Variants in ZNF90 observed in about 807,000 individuals in gnomAD.
ZNF90 encodes zinc finger protein 90, also known as zinc finger protein HTF9.
ZNF90 carries 11 observed loss-of-function variants against 12.0 expected under a neutral mutation model. That is an observed-to-expected ratio of 0.92 (90% CI 0.58 to 1.52). The LOEUF (loss-of-function observed/expected upper bound fraction) is 1.52. Ranked by LOEUF, ZNF90 falls within the 40% of genes most tolerant of loss-of-function variation. The probability of loss-of-function intolerance (pLI) is 0.00; values close to 1 mark genes in which losing one functional copy is unlikely to be tolerated. For missense variants in ZNF90, 765 were observed against 711.5 expected (o/e 1.08, Z -0.86); for synonymous variants, 232 against 240.1 (o/e 0.97, Z 0.31).
chr19:20,098,800 GT>G (rs2088967596), intron 1 of ZNF90, among the ~76,000 whole-genome samples: 1 of 152,198 alleles, frequency 6.6e-6, no homozygotes, highest in African/African-American at 2.4e-5. Flanking sequence ...CTGTCTCAGT[GT>G]AAGAGAAACG....
chr19:20,078,105 C>T lies in ZNF90; in HGVS notation c.-28C>T. The stretch of plus-strand genomic sequence containing the variant: ...TGACCTGCAGGTATTGGGAGATCCA[C>T]AGCTGAGGGACCCCCGGAAGCCTAG... On this transcript the variant is annotated 5_prime_UTR_variant, in exon 1 of 4. Coordinates refer to ENST00000418063, the MANE Select transcript of ZNF90 (RefSeq NM_007138.2). The T allele has an allele frequency of 1.2e-6, 2 of 1,614,122 alleles. No homozygotes were observed. The highest frequency in any genetic ancestry group is 2.2e-5 in the South Asian group (2 of 91,064).
At chr19:20,097,649 CTG>C (rs2088959363) in intron 1 of ZNF90, among the ~76,000 whole-genome samples, 5 of 152,190 alleles carry the variant, frequency 3.3e-5, no homozygotes, top group African/African-American at 1.2e-4. Flanking sequence ...TATAAACATG[CTG>C]CCACTCCATC....
In ZNF90 at chr19:20,120,188, T is replaced by C. The variant is rs2089183548; in HGVS notation, c.*828T>C. On this transcript the variant is annotated 3_prime_UTR_variant, in exon 4 of 4. Transcript: ENST00000418063. ...GGAAAGCTAGTATCCTTGAGAAAAA[T>C]TGCACAATTATAAAAAATATGGAAA... 1.3e-5 allele frequency among the ~76,000 whole-genome samples: 2 copies of C among 152,086 alleles called. No homozygotes were observed. Among genetic ancestry groups the C allele is most frequent in the African/African-American group, 4.8e-5 (2 of 41,406 alleles).
At chr19:20,088,877 A>G (rs1223225712) in intron 1 of ZNF90, among the ~76,000 whole-genome samples, 1 of 152,182 alleles carries the variant, frequency 6.6e-6, no homozygotes, top group Non-Finnish European at 1.5e-5. Flanking sequence ...CATCAAGGGA[A>G]TTAGTGGAAG....
intron 1 of ZNF90, among the ~76,000 whole-genome samples, chr19:20,086,301 T>C (rs1654301): frequency 0.93 from 137,519 of 147,542 alleles, 64,247 homozygotes; most frequent in East Asian, 1. Flanking sequence ...GTGGCGTAAT[T>C]TCAGCTCACT....
At chr19:20,099,378 C>T (rs2088972454) in intron 1 of ZNF90, among the ~76,000 whole-genome samples, 1 of 152,158 alleles carries the variant, frequency 6.6e-6, no homozygotes, top group Non-Finnish European at 1.5e-5. Context: ...AACTCTGCTT[C>T]CAGAAGAGTC....
At chr19:20,110,359 ACC>A in intron 3 of ZNF90, among the ~76,000 whole-genome samples, 4 of 151,924 alleles carry the variant, frequency 2.6e-5, no homozygotes, top group Non-Finnish European at 5.9e-5. Flanking sequence ...GCTCACTGCA[ACC>A]CCTGCCTCCT....
chr19:20,086,232 C>CTTTTTTTTT (rs59433953), intron 1 of ZNF90, among the ~76,000 whole-genome samples: 5 of 99,794 alleles, frequency 5.0e-5, no homozygotes, highest in Non-Finnish European at 7.9e-5. Flanking sequence ...ATTTTCTTTT[C>CTTTTTTTTT]TTTTTTTTTT....
At chr19:20,099,370 C>G (rs577420480) in intron 1 of ZNF90, among the ~76,000 whole-genome samples, 1 of 152,184 alleles carries the variant, frequency 6.6e-6, no homozygotes, top group African/African-American at 2.4e-5. Flanking sequence ...ATTCTCCTAA[C>G]TCTGCTTCCA....
At chr19:20,097,143 G>A (rs2088954886) in intron 1 of ZNF90, among the ~76,000 whole-genome samples, 1 of 152,164 alleles carries the variant, frequency 6.6e-6, no homozygotes, top group South Asian at 2.1e-4. Context: ...TATGATGCAT[G>A]TCACACTTAA....
chr19:20,088,084 C>T (rs932211996), intron 1 of ZNF90, among the ~76,000 whole-genome samples: 22 of 152,244 alleles, frequency 1.4e-4, no homozygotes, highest in Non-Finnish European at 2.2e-4. Context: ...TGGGCATATA[C>T]GTGCAGGTCA....
chr19:20,115,722 T>C (rs1278988055), intron 3 of ZNF90, among the ~76,000 whole-genome samples: 1 of 152,150 alleles, frequency 6.6e-6, no homozygotes, highest in African/African-American at 2.4e-5. Context: ...ACATCATTTT[T>C]CTTTTGATAA....
intron 1 of ZNF90, among the ~76,000 whole-genome samples, chr19:20,085,991 G>C (rs2088856260): frequency 6.6e-6 from 1 of 152,056 alleles, no homozygotes; most frequent in East Asian, 1.9e-4. Context: ...TAGCAATACA[G>C]AATGATAAAG....
At chr19:20,092,091 G>A (rs1339966794) in intron 1 of ZNF90, among the ~76,000 whole-genome samples, 1 of 152,162 alleles carries the variant, frequency 6.6e-6, no homozygotes, top group African/African-American at 2.4e-5. Flanking sequence ...TGAGGGTCAG[G>A]TGTGGTATCC....
At chr19:20,095,034 G>A (rs2088932027) in intron 1 of ZNF90, among the ~76,000 whole-genome samples, 1 of 152,014 alleles carries the variant, frequency 6.6e-6, no homozygotes, top group Non-Finnish European at 1.5e-5. Context: ...TTGGGACTTA[G>A]CTCGGCCTGG....
chr19:20,096,891 G>A (rs1233724540), intron 1 of ZNF90, among the ~76,000 whole-genome samples: 3 of 152,130 alleles, frequency 2.0e-5, no homozygotes, highest in Non-Finnish European at 4.4e-5. Context: ...CTTTTTTGTA[G>A]CAGAGTGAAA....
At chr19:20,085,385 G>A (rs1421380429) in intron 1 of ZNF90, among the ~76,000 whole-genome samples, 3 of 150,658 alleles carry the variant, frequency 2.0e-5, no homozygotes, top group African/African-American at 7.4e-5. Context: ...TCAGCCTCCC[G>A]AATAGCTGGG....
At position 20,118,623 on chromosome 19, in the gene ZNF90, C is replaced by T. The variant is rs781963081; in HGVS notation, c.1069C>T (p.Arg357Cys). 39 of 1,526,540 alleles carry T rather than the reference C, an allele frequency of 2.6e-5. No individual in the cohort carries two copies. The highest frequency in any genetic ancestry group is 1.8e-4 in the Middle Eastern group (1 of 5,668). The allele number at this position is 1,526,540 out of a possible 1,614,324, so 94.6% of individuals were successfully genotyped here. A position where few individuals can be genotyped will look rare whatever the true frequency, so the allele number is the denominator to read the frequency against. ...GKAFRRSLVL[R>C]THKRIHTGEK... ...AGCCTTCAGGCGCTCCTTAGTCCTT[C>T]GTACACATAAGAGAATTCATACTGG... Residue 357 changes from arginine (R) to cysteine (C), a missense_variant, in exon 4 of 4, where the codon CGT becomes TGT. By Grantham distance (180) the Arg-to-Cys change is radical (BLOSUM62 -3). Coordinates refer to ENST00000418063, the MANE Select transcript of ZNF90 (RefSeq NM_007138.2).
chr19:20,090,397 C>A (rs782736824), intron 1 of ZNF90, among the ~76,000 whole-genome samples: 12 of 151,668 alleles, frequency 7.9e-5, no homozygotes, highest in African/African-American at 1.2e-4. Context: ...GGGGAGAGTA[C>A]TTAAGTGGGG....
Sources: allele counts gnomAD v4.1 joint callset (sites outside exome capture counted in the v4.1 genomes callset), GRCh38; gene constraint gnomAD v4.1.1; transcripts MANE v1.5; gene names NCBI Gene and HGNC (gene_info 2026-07-23, HGNC 2026-07-21).